The following SLC26A7 variants were observed in gnomAD, a reference collection of about 807,000 sequenced individuals.
SLC26A7 encodes anion exchange transporter.
In SLC26A7, 59 loss-of-function variants were observed where a neutral mutation model predicts 82.5. That is an observed-to-expected ratio of 0.72 (90% CI 0.58 to 0.89). The LOEUF is 0.89. Ranked by LOEUF, SLC26A7 falls within the 40% of genes least tolerant of loss-of-function variation. SLC26A7 has a pLI of 0.00. For synonymous variants in SLC26A7, 271 were observed against 274.3 expected, an observed-to-expected ratio of 0.99 and a Z score of 0.12; for missense variants, 820 against 793.0, an observed-to-expected ratio of 1.03 and a Z score of -0.41.
intron 4 of SLC26A7, among the ~76,000 whole-genome samples, chr8:91,314,345 C>G (rs1250327092): frequency 6.6e-6 from 1 of 152,294 alleles, no homozygotes; most frequent in East Asian, 1.9e-4. Context: ...ATGGTTCAAT[C>G]TGTGGGCCCC....
intron 18 of SLC26A7, 56 bp downstream of exon 18, chr8:91,394,095 G>A (rs1378170937): frequency 1.1e-5 from 17 of 1,589,454 alleles, no homozygotes; most frequent in South Asian, 9.0e-5. Context: ...ATATAGAATC[G>A]AAGCTTTGCA....
chr8:91,368,441 C>T (rs1041465503), intron 14 of SLC26A7, among the ~76,000 whole-genome samples: 2 of 144,820 alleles, frequency 1.4e-5, no homozygotes, highest in African/African-American at 5.1e-5. Flanking sequence ...TTTTTTGAGA[C>T]GGAGTCTCAT....
intron 15 of SLC26A7, among the ~76,000 whole-genome samples, chr8:91,373,790 A>G (rs1213460343): frequency 6.6e-6 from 1 of 151,908 alleles, no homozygotes; most frequent in African/African-American, 2.4e-5. Flanking sequence ...AATAGTTTCA[A>G]TGAGCTTGGC....
intron 1 of SLC26A7, among the ~76,000 whole-genome samples, chr8:91,212,662 A>G (rs973666329): frequency 3.3e-5 from 5 of 152,180 alleles, no homozygotes; most frequent in Non-Finnish European, 5.9e-5. Context: ...ACTGACATTC[A>G]TTTATGAAAC....
chr8:91,335,213 T>A (rs536683693), intron 6 of SLC26A7, among the ~76,000 whole-genome samples: 1 of 152,280 alleles, frequency 6.6e-6, no homozygotes, highest in African/African-American at 2.4e-5. Context: ...TAATAAAATA[T>A]TCCTTCTAAT....
At chr8:91,239,375 C>CA (rs1219500630) in intron 2 of SLC26A7, among the ~76,000 whole-genome samples, 16,570 of 84,124 alleles carry the variant, frequency 0.2, 2,397 homozygotes, top group East Asian at 0.28. Context: ...GACTCCGTCT[C>CA]AAAAAAAAAA....
chr8:91,362,466 T>G lies in SLC26A7; in HGVS notation c.1421+7T>G, dbSNP rs1228710959. ...TGATAGGACGCTTCCCAAGGTAGGA[T>G]CCTATGTAAATGCTCTGTTTATTTT... is the stretch of plus-strand genomic sequence containing the variant. On this transcript the variant is annotated splice_region_variant and intron_variant, in intron 12 of 18. Transcript: ENST00000276609. 3 of 1,608,546 alleles carry G rather than the reference T, an allele frequency of 1.9e-6. No individual in the cohort carries two copies. Among genetic ancestry groups the G allele is most frequent in the Non-Finnish European group, 2.6e-6 (3 of 1,175,960 alleles).
At chr8:91,272,195 T>C (rs142575824) in intron 2 of SLC26A7, among the ~76,000 whole-genome samples, 1,579 of 152,312 alleles carry the variant, frequency 0.01, 19 homozygotes, top group African/African-American at 0.036. Flanking sequence ...TTGTCTTTGA[T>C]CCTTTGCTTC....
intron 5 of SLC26A7, among the ~76,000 whole-genome samples, chr8:91,325,188 A>T (rs1368378331): frequency 6.6e-6 from 1 of 152,178 alleles, no homozygotes; most frequent in South Asian, 2.1e-4. Flanking sequence ...AACCTCTCCA[A>T]GTCTTATTTT....
At chr8:91,329,412 G>A (rs1157417248) in intron 5 of SLC26A7, among the ~76,000 whole-genome samples, 1 of 152,120 alleles carries the variant, frequency 6.6e-6, no homozygotes, top group Non-Finnish European at 1.5e-5. Context: ...CATGCTGGTT[G>A]TAATGAGCTA....
chr8:91,391,200 C>A (rs1431053608), intron 16 of SLC26A7, among the ~76,000 whole-genome samples: 1 of 151,974 alleles, frequency 6.6e-6, no homozygotes, highest in Admixed American at 6.6e-5. Context: ...TGTGAAGATA[C>A]GGGTGGGAGT....
intron 2 of SLC26A7, among the ~76,000 whole-genome samples, chr8:91,222,201 G>A (rs970062160): frequency 3.9e-5 from 6 of 152,124 alleles, no homozygotes; most frequent in Non-Finnish European, 7.4e-5. Context: ...AGGAATGCTT[G>A]TGATTTTTGC....
At chr8:91,242,372 T>C (rs2130686853) in intron 2 of SLC26A7, among the ~76,000 whole-genome samples, 1 of 152,328 alleles carries the variant, frequency 6.6e-6, no homozygotes, top group Admixed American at 6.5e-5. Context: ...CAGGGACTTG[T>C]AACTATGTCT....
At chr8:91,234,819 ACCTACCTACTTC>A (rs1319373139) in intron 2 of SLC26A7, among the ~76,000 whole-genome samples, 69 of 104,442 alleles carry the variant, frequency 6.6e-4, no homozygotes, top group African/African-American at 2.5e-3. Context: ...CTACCTACCT[ACCTACCTACTTC>A]CTTCCTTCCT....
At chr8:91,302,737 C>G (rs1812201735) in intron 4 of SLC26A7, among the ~76,000 whole-genome samples, 1 of 151,830 alleles carries the variant, frequency 6.6e-6, no homozygotes, top group Admixed American at 6.6e-5. Flanking sequence ...TCCTCACACA[C>G]TGATCTGCTT....
intron 5 of SLC26A7, among the ~76,000 whole-genome samples, chr8:91,322,008 T>C (rs1235142294): frequency 2.6e-5 from 4 of 152,284 alleles, no homozygotes; most frequent in Admixed American, 1.3e-4. Flanking sequence ...TTGTCTTTCT[T>C]ACTAGTAGTG....
At chr8:91,237,773 G>C (rs1287599194) in intron 2 of SLC26A7, among the ~76,000 whole-genome samples, 1 of 152,092 alleles carries the variant, frequency 6.6e-6, no homozygotes, top group Non-Finnish European at 1.5e-5. Flanking sequence ...TCTGGTTTCT[G>C]CACCCAACAT....
Position 91,394,042 on chromosome 8 carries a change from G to A in SLC26A7, c.1935+3G>A, listed in dbSNP as rs772987335. The stretch of plus-strand genomic sequence containing the variant: ...TAAGTCATATCCATTCAAATAAGGT[G>A]AGTTGATTAAGTTGGGCTGAAGGAG... On this transcript the variant is annotated splice_donor_region_variant and intron_variant, in intron 18 of 18. Transcript: ENST00000276609. 6.2e-7 allele frequency: 1 copy of A among 1,611,428 alleles called. No homozygotes were observed. The highest frequency in any genetic ancestry group is 8.5e-7 in the Non-Finnish European group (1 of 1,178,012).
intron 16 of SLC26A7, among the ~76,000 whole-genome samples, chr8:91,391,135 T>A (rs1385853809): frequency 6.6e-6 from 1 of 152,208 alleles, no homozygotes; most frequent in Non-Finnish European, 1.5e-5. Context: ...TACTTTGAAA[T>A]GTCCAGCCTT....
Sources: allele counts gnomAD v4.1 joint callset (sites outside exome capture counted in the v4.1 genomes callset), GRCh38; gene constraint gnomAD v4.1.1; transcripts MANE v1.5; gene names NCBI Gene and HGNC (gene_info 2026-07-23, HGNC 2026-07-21).